SIMC1: variants seen among roughly 807,000 people sequenced by gnomAD.
SIMC1 encodes SUMO interacting motifs containing 1, also known as SUMO-interacting motif-containing protein 1.
SIMC1 carries 55 observed loss-of-function variants against 82.3 expected under a neutral mutation model. The ratio of observed to expected loss-of-function variants is 0.67; its 90% CI spans 0.54 to 0.84. The LOEUF (loss-of-function observed/expected upper bound fraction) is 0.84, where lower values mean the gene tolerates loss of function less well. SIMC1 is among the 40% of genes least tolerant of loss of function. The pLI is 0.00. For synonymous variants in SIMC1, 353 were observed against 426.3 expected, an observed-to-expected ratio of 0.83 and a Z score of 2.12; for missense variants, 915 against 1,107.2, an observed-to-expected ratio of 0.83 and a Z score of 2.46.
chr5:176,308,916 A>C (rs1764541251), intron 4 of SIMC1: 1 of 1,292,046 alleles, frequency 7.7e-7, no homozygotes, highest in Admixed American at 1.7e-5. Flanking sequence ...CCTCTTCTAC[A>C]GTGGTTGGAG....
intron 5 of SIMC1, among the ~76,000 whole-genome samples, chr5:176,317,960 C>T (rs1017821529): frequency 6.6e-6 from 1 of 152,066 alleles, no homozygotes; most frequent in Non-Finnish European, 1.5e-5. Context: ...GGAGCAGGCC[C>T]GAGCAAGCAA....
At chr5:176,293,421 C>T (rs542631123) in intron 2 of SIMC1, among the ~76,000 whole-genome samples, 7 of 150,700 alleles carry the variant, frequency 4.6e-5, no homozygotes, top group Admixed American at 6.6e-5. Context: ...GGCGACACAG[C>T]GAGACCCCAT....
At chr5:176,308,294 A>ATGTTCACATGTTCTG in intron 4 of SIMC1, 1 of 1,468,722 alleles carries the variant, frequency 6.8e-7, no homozygotes, top group Non-Finnish European at 9.5e-7. Flanking sequence ...TCGTTCTGTC[A>ATGTTCACATGTTCTG]TCATCTTAAC....
At chr5:176,302,919 A>G (rs1018620757) in intron 4 of SIMC1, among the ~76,000 whole-genome samples, 1 of 152,232 alleles carries the variant, frequency 6.6e-6, no homozygotes, top group African/African-American at 2.4e-5. Context: ...ATAAATGGTA[A>G]GGCTTCCTAT....
chr5:176,342,342 A>C (rs911377769), intron 9 of SIMC1, among the ~76,000 whole-genome samples: 5 of 151,604 alleles, frequency 3.3e-5, no homozygotes, highest in South Asian at 2.1e-4. Flanking sequence ...GGCCTACCCT[A>C]CCTTCCAATC....
chr5:176,345,346 A>T lies in SIMC1; in HGVS notation c.2577A>T (p.Gln859His), dbSNP rs561480482. 3 of 1,613,796 alleles carry T rather than the reference A, an allele frequency of 1.9e-6. No homozygotes were observed. The South Asian group carries it at 3.3e-5, about 18-fold the overall frequency. ...IQMLGEPLVP[Q>H]LQDKVHLLKL... ...TGCTGGGGGAGCCTCTTGTCCCCCA[A>T]CTCCAAGACAAAGTGCACTTGTTGA... Residue 859 changes from glutamine to histidine, a missense_variant, in exon 10 of 10, where the codon CAA becomes CAT. Physicochemically the swap from Gln to His is conservative, Grantham distance 24 (BLOSUM62 0). Transcript: ENST00000429602.
Position 176,336,751 on chromosome 5 carries a change from C to G in SIMC1, c.2203C>G (p.Leu735Val). The G allele has an allele frequency of 1.9e-6, 3 of 1,614,002 alleles. No homozygotes were observed. Among genetic ancestry groups the G allele is most frequent in the Non-Finnish European group, 1.7e-6 (2 of 1,179,898 alleles). Reference sequence around the variant, plus strand: ...GTTCTTTACTACCATGGAAAGCCACCTTCTGCGCTGCAAAGTGTTAGAAAT... The same window carrying G: ...GTTCTTTACTACCATGGAAAGCCACGTTCTGCGCTGCAAAGTGTTAGAAAT... ...EMFFTTMESH[L>V]LRCKVLEIIF... The change falls in exon 8 of 10, where the codon CTT becomes GTT. Residue 735 changes from leucine to valine, a missense_variant. By Grantham distance (32) the Leu-to-Val change is conservative (BLOSUM62 1). Around this residue, in one of 2 missense-constraint regions of SIMC1, gnomAD observed 902 missense variants for 1,040.3 expected, o/e 0.87. Transcript: ENST00000429602.
intron 4 of SIMC1, among the ~76,000 whole-genome samples, chr5:176,306,327 G>C (rs1199343902): frequency 7.1e-6 from 1 of 140,960 alleles, no homozygotes; most frequent in Non-Finnish European, 1.6e-5. Flanking sequence ...CGCCCCATCC[G>C]GGAGGTGAGG....
intron 1 of SIMC1, among the ~76,000 whole-genome samples, chr5:176,246,407 G>GGT (rs57262987): frequency 0.13 from 18,054 of 136,838 alleles, 985 homozygotes; most frequent in East Asian, 0.21. Context: ...ATAGTTCAGG[G>GGT]GTGTGTGTGT....
intron 9 of SIMC1, among the ~76,000 whole-genome samples, chr5:176,341,496 G>A (rs1171298583): frequency 1.3e-5 from 2 of 152,248 alleles, no homozygotes; most frequent in African/African-American, 4.8e-5. Context: ...TCTACCTGAT[G>A]TGTAGCGAAT....
chr5:176,322,298 G>A lies in SIMC1; in HGVS notation c.1915G>A (p.Ala639Thr), dbSNP rs751364959. The A allele has an allele frequency of 3.2e-6, 5 of 1,569,192 alleles. No individual in the cohort carries two copies. Among genetic ancestry groups the A allele is most frequent in the Non-Finnish European group, 4.3e-6 (5 of 1,156,630 alleles). Residue 639 changes from alanine (A) to threonine (T), a missense_variant, in exon 6 of 10, where the codon GCA becomes ACA. Ala to Thr is a moderately conservative substitution (Grantham distance 58). Coordinates refer to ENST00000429602, the MANE Select transcript of SIMC1 (RefSeq NM_001308195.2). ...VRDVIKWLVK[A>T]VTEDGLTQPP... ...GGATGTTATCAAGTGGCTGGTCAAA[G>A]CAGTAACTGAAGATGGATTGACTCA...
chr5:176,253,439 CCT>C (rs768272021), intron 1 of SIMC1, among the ~76,000 whole-genome samples: 5 of 152,082 alleles, frequency 3.3e-5, no homozygotes, highest in Non-Finnish European at 5.9e-5. Flanking sequence ...GTCTCGAACT[CCT>C]GACCTCCAGT....
At position 176,338,487 on chromosome 5, in the gene SIMC1, T is replaced by C. The variant is rs141750730; in HGVS notation, c.2413+1341T>C. Reference sequence around the variant, plus strand: ...AGGCTGTAGTACATTGTTCGGACAATTGGTAAAACTTTAGTAGATTAGATA... The same window carrying C: ...AGGCTGTAGTACATTGTTCGGACAACTGGTAAAACTTTAGTAGATTAGATA... On this transcript the variant is annotated intron_variant, in intron 9 of 9. Transcript: ENST00000429602. Among the ~76,000 whole-genome samples the C allele has an allele frequency of 1.3e-3, 194 of 152,202 alleles. 1 individual carries two copies. Among genetic ancestry groups the C allele is most frequent in the African/African-American group, 4.5e-3 (188 of 41,508 alleles).
In SIMC1 at chr5:176,289,765, G is replaced by A. The variant is rs1252397211; in HGVS notation, c.241G>A (p.Asp81Asn). ...AGAAAATAGACCTATTGCCACTCTTGACTTAACTTTAGAACCTGTCACTCC... is the reference window on the plus strand; with the variant it reads ...AGAAAATAGACCTATTGCCACTCTTAACTTAACTTTAGAACCTGTCACTCC... ...EGENRPIATLDLTLEPVTPSQ... is the reference protein window; with the variant it reads ...EGENRPIATLNLTLEPVTPSQ... Residue 81 changes from aspartate (D) to asparagine (N), a missense_variant, in exon 2 of 10, where the codon GAC becomes AAC. Transcript: ENST00000429602. 2.5e-6 allele frequency: 4 copies of A among 1,613,784 alleles called. No homozygotes were observed. The highest frequency in any genetic ancestry group is 3.4e-6 in the Non-Finnish European group (4 of 1,179,872).
chr5:176,299,265 C>T (rs1327990337), intron 4 of SIMC1, among the ~76,000 whole-genome samples: 1 of 152,132 alleles, frequency 6.6e-6, no homozygotes, highest in East Asian at 1.9e-4. Flanking sequence ...TAGTAACACA[C>T]ACCTGTTGTC....
In SIMC1 at chr5:176,278,152, A is replaced by G. The variant is rs1229950441; in HGVS notation, c.130-11502A>G. On this transcript the variant is annotated intron_variant, in intron 1 of 9. Coordinates refer to ENST00000429602, the MANE Select transcript of SIMC1 (RefSeq NM_001308195.2). ...AGCAGTGGTTTGTAGTTCTCCTTGA[A>G]GAGGTCCTTCACGTCCCTTGTAAGT... Among the ~76,000 whole-genome samples, 9 of 56,518 alleles carry G rather than the reference A, an allele frequency of 1.6e-4. 2 individuals are homozygous for G. The highest frequency in any genetic ancestry group is 3.5e-4 in the Non-Finnish European group (9 of 25,600). 37.1% of individuals were successfully genotyped at this position (56,518 alleles called of 152,430 possible).
At chr5:176,331,589 G>A (rs1316950897) in intron 7 of SIMC1, among the ~76,000 whole-genome samples, 2 of 150,970 alleles carry the variant, frequency 1.3e-5, no homozygotes, top group East Asian at 2.0e-4. Context: ...TGCTGGGATT[G>A]CAGGCATGAG....
intron 4 of SIMC1, among the ~76,000 whole-genome samples, chr5:176,298,925 A>G (rs1763929521): frequency 6.6e-6 from 1 of 152,266 alleles, no homozygotes; most frequent in Admixed American, 6.5e-5. Flanking sequence ...AAAGGCTACA[A>G]GACGTATAGG....
intron 7 of SIMC1, among the ~76,000 whole-genome samples, chr5:176,335,468 G>A (rs1293177789): frequency 6.6e-6 from 1 of 151,002 alleles, no homozygotes; most frequent in East Asian, 2.0e-4. Context: ...GTAGAGACAG[G>A]GTATCACCGT....
Sources: allele counts gnomAD v4.1 joint callset (sites outside exome capture counted in the v4.1 genomes callset), GRCh38; gene constraint gnomAD v4.1.1; regional missense constraint gnomAD v4.1.1; transcripts MANE v1.5; gene names NCBI Gene and HGNC (gene_info 2026-07-23, HGNC 2026-07-21).